The following CTNNA3 variants were observed in gnomAD, a reference collection of about 807,000 sequenced individuals.
CTNNA3 encodes catenin alpha 3.
A neutral mutation model predicts 95.7 loss-of-function variants in CTNNA3; 76 were observed. The observed-to-expected ratio is 0.79, with a 90% CI of 0.66 to 0.96. The LOEUF is 0.96. CTNNA3 is among the 40% of genes least tolerant of loss of function. The probability of loss-of-function intolerance (pLI) is 0.00; values close to 1 mark genes in which losing one functional copy is unlikely to be tolerated. For synonymous variants in CTNNA3, 431 were observed against 374.4 expected (o/e 1.15, Z -1.74); for missense variants, 1,191 against 1,089.8 (o/e 1.09, Z -1.31).
intron 9 of CTNNA3, among the ~76,000 whole-genome samples, chr10:66,715,170 C>T (rs574160861): frequency 6.6e-6 from 1 of 152,178 alleles, no homozygotes; most frequent in South Asian, 2.1e-4. Flanking sequence ...CAGCCTATTC[C>T]ACTTCTTCCA....
intron 13 of CTNNA3, among the ~76,000 whole-genome samples, chr10:66,213,278 T>A (rs559518120): frequency 6.6e-6 from 1 of 152,102 alleles, no homozygotes; most frequent in African/African-American, 2.4e-5. Flanking sequence ...TGAAGATGAG[T>A]GTAGAAAAAA....
chr10:66,009,072 C>T (rs2078954181), intron 15 of CTNNA3, among the ~76,000 whole-genome samples: 1 of 152,146 alleles, frequency 6.6e-6, no homozygotes, highest in South Asian at 2.1e-4. Context: ...TGCACTCCAG[C>T]CTGGGTGACA....
At chr10:66,743,834 G>A (rs1849408229) in intron 9 of CTNNA3, among the ~76,000 whole-genome samples, 1 of 151,818 alleles carries the variant, frequency 6.6e-6, no homozygotes, top group African/African-American at 2.4e-5. Flanking sequence ...AAATTAGCTG[G>A]GCACAGTGGC....
At chr10:67,288,280 T>TTTGAGTCCCAACAAC (rs1234309357) in intron 5 of CTNNA3, among the ~76,000 whole-genome samples, 4 of 152,214 alleles carry the variant, frequency 2.6e-5, no homozygotes, top group Non-Finnish European at 5.9e-5. Flanking sequence ...ACTACACGTC[T>TTTGAGTCCCAACAAC]TTGAGTCCCA....
intron 12 of CTNNA3, among the ~76,000 whole-genome samples, chr10:66,338,255 A>T (rs571413338): frequency 6.6e-5 from 10 of 152,142 alleles, no homozygotes; most frequent in African/African-American, 2.2e-4. Flanking sequence ...AGGCAAATTT[A>T]AACTCACCAA....
intron 1 of CTNNA3, among the ~76,000 whole-genome samples, chr10:67,672,356 G>A (rs1055578973): frequency 6.6e-6 from 1 of 152,088 alleles, no homozygotes; most frequent in African/African-American, 2.4e-5. Flanking sequence ...AGAAGCTCTT[G>A]AGTTTAATTA....
At chr10:67,504,192 C>A (rs1449833132) in intron 5 of CTNNA3, among the ~76,000 whole-genome samples, 1 of 148,870 alleles carries the variant, frequency 6.7e-6, no homozygotes, top group Non-Finnish European at 1.5e-5. Context: ...AAGGCTCATG[C>A]CTGTAATCCC....
intron 15 of CTNNA3, among the ~76,000 whole-genome samples, chr10:66,060,567 AAGTC>A (rs1344648529): frequency 1.3e-5 from 2 of 152,140 alleles, no homozygotes; most frequent in African/African-American, 4.8e-5. Context: ...CAATCGGAGA[AAGTC>A]AGAGTTCAAA....
At chr10:66,365,666 C>T (rs2092706206) in intron 12 of CTNNA3, among the ~76,000 whole-genome samples, 1 of 151,882 alleles carries the variant, frequency 6.6e-6, no homozygotes, top group African/African-American at 2.4e-5. Flanking sequence ...GTATTCATGC[C>T]CTATTCGCTT....
intron 9 of CTNNA3, among the ~76,000 whole-genome samples, chr10:66,686,380 T>C (rs1335252601): frequency 2.0e-5 from 3 of 152,164 alleles, no homozygotes; most frequent in East Asian, 1.9e-4. Flanking sequence ...GGAGGATCAA[T>C]TGAGTCTTGC....
intron 1 of CTNNA3, among the ~76,000 whole-genome samples, chr10:67,657,076 G>A (rs765962239): frequency 5.7e-4 from 87 of 152,300 alleles, no homozygotes; most frequent in Admixed American, 8.5e-4. Flanking sequence ...ACAGGGTTCA[G>A]ATTGTAGATA....
chr10:65,960,384 G>A (rs1312400959), intron 17 of CTNNA3, among the ~76,000 whole-genome samples: 3 of 152,072 alleles, frequency 2.0e-5, no homozygotes, highest in African/African-American at 4.8e-5. Context: ...AATTAGCCAG[G>A]CGCCGTGGGG....
chr10:67,257,266 T>C (rs1395654742), intron 5 of CTNNA3, among the ~76,000 whole-genome samples: 1 of 151,664 alleles, frequency 6.6e-6, no homozygotes, highest in Non-Finnish European at 1.5e-5. Context: ...CTTGGGGAGA[T>C]AAAGACAGGG....
rs942185288 is a variant in CTNNA3, at chr10:66,936,658, G to T, written c.1048-161134C>A. 3.3e-5 allele frequency among the ~76,000 whole-genome samples: 5 copies of T among 152,174 alleles called. No individual in the cohort carries two copies. The East Asian group carries it at 7.7e-4, about 24-fold the overall frequency. Reference sequence around the variant, plus strand: ...GATGGACTAGATTGAACTCTACAGCGCAATCTAGTCAACTCTGAGATGTCT... The same window carrying T: ...GATGGACTAGATTGAACTCTACAGCTCAATCTAGTCAACTCTGAGATGTCT... On this transcript the variant is annotated intron_variant, in intron 7 of 17. Transcript: ENST00000433211.
At chr10:66,954,032 A>T (rs1297088289) in intron 7 of CTNNA3, among the ~76,000 whole-genome samples, 1 of 152,230 alleles carries the variant, frequency 6.6e-6, no homozygotes, top group Non-Finnish European at 1.5e-5. Flanking sequence ...CGCAAATACT[A>T]GCTGTTACTT....
intron 7 of CTNNA3, among the ~76,000 whole-genome samples, chr10:66,900,609 G>A (rs1030668001): frequency 1.3e-5 from 2 of 151,896 alleles, no homozygotes; most frequent in African/African-American, 4.8e-5. Flanking sequence ...CCCATGGGAA[G>A]GATTAGAAAA....
chr10:67,007,843 C>CCA (rs1852096274), intron 7 of CTNNA3, among the ~76,000 whole-genome samples: 1 of 151,806 alleles, frequency 6.6e-6, no homozygotes, highest in African/African-American at 2.4e-5. Flanking sequence ...CTCAAAATAG[C>CCA]CATTATTTCA....
chr10:67,343,692 T>C (rs1270526886), intron 5 of CTNNA3, among the ~76,000 whole-genome samples: 1 of 151,954 alleles, frequency 6.6e-6, no homozygotes, highest in Non-Finnish European at 1.5e-5. Context: ...GATGATATAA[T>C]CTGCAAACAA....
rs2132705538 is a variant in CTNNA3, at chr10:67,372,275, T to C, written c.579+149567A>G. The stretch of plus-strand genomic sequence containing the variant: ...TTTTGGCTTTTGTTGCCATTGCTTT[T>C]GGTGTTTTAGACATGAAGTCCTTGC... On this transcript the variant is annotated intron_variant, in intron 5 of 17. Transcript: ENST00000433211. Among the ~76,000 whole-genome samples the C allele has an allele frequency of 1.3e-5, 2 of 152,338 alleles. 1 individual carries two copies. The highest frequency in any genetic ancestry group is 3.9e-4 in the East Asian group (2 of 5,186).
Sources: allele counts gnomAD v4.1 joint callset (sites outside exome capture counted in the v4.1 genomes callset), GRCh38; gene constraint gnomAD v4.1.1; transcripts MANE v1.5; gene names NCBI Gene and HGNC (gene_info 2026-07-23, HGNC 2026-07-21).